FAF1: variants seen among roughly 807,000 people sequenced by gnomAD.
FAF1 encodes the protein FAS-associated factor 1.
Under a neutral mutation model 92.5 loss-of-function variants are expected in FAF1, and 25 were observed. The ratio of observed to expected loss-of-function variants is 0.27; its 90% CI spans 0.20 to 0.38. The LOEUF (loss-of-function observed/expected upper bound fraction) is 0.38. FAF1 is among the 10% of genes least tolerant of loss of function. The pLI is 1.00. For synonymous variants in FAF1, 234 were observed against 273.2 expected, an observed-to-expected ratio of 0.86 and a Z score of 1.42; for missense variants, 636 against 793.3, an observed-to-expected ratio of 0.80 and a Z score of 2.38.
intron 18 of FAF1, among the ~76,000 whole-genome samples, chr1:50,450,901 A>G (rs914553298): frequency 1.3e-5 from 2 of 152,210 alleles, no homozygotes; most frequent in Non-Finnish European, 1.5e-5. Context: ...GTGGTAACAC[A>G]CCCCAAAATG....
chr1:50,587,640 G>A lies in FAF1; in HGVS notation c.841-2829C>T, dbSNP rs572877518. Among the ~76,000 whole-genome samples, 7 of 152,242 alleles carry A rather than the reference G, an allele frequency of 4.6e-5. No individual in the cohort carries two copies. In the South Asian group the frequency reaches 1.5e-3, roughly 32 times the overall value. On this transcript the variant is annotated intron_variant, in intron 9 of 18. Transcript: ENST00000396153. ...TTTTAAAAACAGCTAAAAAATTAGT[G>A]ATTATGCTTATTGCATTCATTTATT...
intron 14 of FAF1, among the ~76,000 whole-genome samples, chr1:50,538,009 C>G (rs1475204633): frequency 4.0e-5 from 6 of 151,850 alleles, no homozygotes; most frequent in Non-Finnish European, 7.4e-5. Context: ...GATCTTTTAT[C>G]TATACATGAT....
In FAF1 at chr1:50,646,079, C is replaced by A. The variant is rs537798166; in HGVS notation, c.744+9363G>T. 8.5e-5 allele frequency among the ~76,000 whole-genome samples: 13 copies of A among 152,262 alleles called. No homozygotes were observed. The South Asian group carries it at 2.7e-3, about 32-fold the overall frequency. ...AATATGTTAACCCATGTAATCTTCA[C>A]AATAGGTTTTCAAGTGTGTTAATAT... On this transcript the variant is annotated intron_variant, in intron 8 of 18. Coordinates refer to ENST00000396153, the MANE Select transcript of FAF1 (RefSeq NM_007051.3).
chr1:50,706,635 ACT>A (rs542915866), intron 6 of FAF1, among the ~76,000 whole-genome samples: 204 of 152,316 alleles, frequency 1.3e-3, no homozygotes, highest in African/African-American at 4.7e-3. Flanking sequence ...ATACTCAAAG[ACT>A]CTGGTTCAAT....
intron 2 of FAF1, among the ~76,000 whole-genome samples, chr1:50,836,171 T>TTTTTTTTTTTGG (rs1553144972): frequency 2.6e-5 from 2 of 75,856 alleles, no homozygotes; most frequent in African/African-American, 1.5e-4. Context: ...TTTGTTTCTG[T>TTTTTTTTTTTGG]TTTTTTTTTT....
intron 17 of FAF1, among the ~76,000 whole-genome samples, chr1:50,482,363 C>T (rs1646714192): frequency 1.3e-5 from 2 of 152,156 alleles, no homozygotes; most frequent in Non-Finnish European, 2.9e-5. Context: ...TTGATGACCC[C>T]TTCTCCAGTT....
intron 17 of FAF1, among the ~76,000 whole-genome samples, chr1:50,485,313 A>G (rs1646751181): frequency 6.6e-6 from 1 of 151,880 alleles, no homozygotes; most frequent in Non-Finnish European, 1.5e-5. Flanking sequence ...TCTGTAAAAC[A>G]GTAATAATAA....
chr1:50,755,796 G>A (rs980863256), intron 4 of FAF1, among the ~76,000 whole-genome samples: 1 of 152,172 alleles, frequency 6.6e-6, no homozygotes, highest in African/African-American at 2.4e-5. Flanking sequence ...AACACCACAT[G>A]GAAGCTGCCA....
At chr1:50,705,160 G>A (rs543881757) in intron 7 of FAF1, among the ~76,000 whole-genome samples, 16 of 152,266 alleles carry the variant, frequency 1.1e-4, no homozygotes, top group Admixed American at 9.2e-4. Flanking sequence ...AGAATTACTA[G>A]CTTTTAGGTG....
At chr1:50,639,922 A>G (rs1056278951) in intron 8 of FAF1, among the ~76,000 whole-genome samples, 2 of 145,918 alleles carry the variant, frequency 1.4e-5, no homozygotes, top group Non-Finnish European at 3.0e-5. Flanking sequence ...TGACAGAGCA[A>G]GACTCGATCT....
chr1:50,467,975 A>G (rs1646519462), intron 18 of FAF1, among the ~76,000 whole-genome samples: 1 of 152,190 alleles, frequency 6.6e-6, no homozygotes, highest in Admixed American at 6.5e-5. Context: ...TTGGATAGCC[A>G]AAGTAGGCAG....
chr1:50,716,480 C>G (rs1215047229), intron 6 of FAF1, among the ~76,000 whole-genome samples: 1 of 152,198 alleles, frequency 6.6e-6, no homozygotes, highest in Non-Finnish European at 1.5e-5. Flanking sequence ...CGAGTGGGGA[C>G]TTGGAGAACT....
chr1:50,638,921 C>G (rs1226357103), intron 8 of FAF1, among the ~76,000 whole-genome samples: 1 of 152,170 alleles, frequency 6.6e-6, no homozygotes, highest in Non-Finnish European at 1.5e-5. Context: ...AGCACAAACA[C>G]AATTCTAATA....
At chr1:50,795,159 A>G (rs1200833153) in intron 3 of FAF1, among the ~76,000 whole-genome samples, 2 of 152,202 alleles carry the variant, frequency 1.3e-5, no homozygotes, top group East Asian at 3.9e-4. Context: ...ATCTAGCTAG[A>G]GAAACTATGG....
intron 1 of FAF1, among the ~76,000 whole-genome samples, chr1:50,881,612 T>A (rs188251065): frequency 6.6e-6 from 1 of 152,266 alleles, no homozygotes; most frequent in African/African-American, 2.4e-5. Flanking sequence ...TCCATACATG[T>A]CAGTAAGTTG....
At chr1:50,524,275 C>T (rs990706577) in intron 15 of FAF1, among the ~76,000 whole-genome samples, 21 of 152,150 alleles carry the variant, frequency 1.4e-4, no homozygotes, top group African/African-American at 4.6e-4. Flanking sequence ...CTTATAAATG[C>T]TGGATATTAG....
At chr1:50,475,177 C>A (rs1646623365) in intron 18 of FAF1, among the ~76,000 whole-genome samples, 1 of 152,152 alleles carries the variant, frequency 6.6e-6, no homozygotes, top group Non-Finnish European at 1.5e-5. Flanking sequence ...TTGAGGAATA[C>A]AGATGAGACA....
At chr1:50,478,238 T>G (rs1270921224) in intron 17 of FAF1, among the ~76,000 whole-genome samples, 1 of 151,578 alleles carries the variant, frequency 6.6e-6, no homozygotes. Context: ...ATCTCGGCTC[T>G]CTGCAACCTC....
rs148165063 is a variant in FAF1 at position 50,625,492 on chromosome 1, T to C, written c.745-29276A>G. Among the ~76,000 whole-genome samples the C allele has an allele frequency of 3.3e-5, 5 of 152,308 alleles. No individual in the cohort carries two copies. The East Asian group carries it at 9.6e-4, about 29-fold the overall frequency. On this transcript the variant is annotated intron_variant, in intron 8 of 18. Coordinates refer to ENST00000396153, the MANE Select transcript of FAF1 (RefSeq NM_007051.3). ...TTAAGTCCCACAATCAATGCTTTGG[T>C]AGTACAAGAAGAGATAATGTCTAAC... is the stretch of plus-strand genomic sequence containing the variant.
Sources: allele counts gnomAD v4.1 joint callset (sites outside exome capture counted in the v4.1 genomes callset), GRCh38; gene constraint gnomAD v4.1.1; transcripts MANE v1.5; gene names NCBI Gene and HGNC (gene_info 2026-07-23, HGNC 2026-07-21).